CDH12: variants seen among roughly 807,000 people sequenced by gnomAD.
CDH12 encodes the protein cadherin-12.
A neutral mutation model predicts 74.1 loss-of-function variants in CDH12; 41 were observed. The observed-to-expected ratio is 0.55, with a 90% CI of 0.43 to 0.72. CDH12 has a LOEUF of 0.72. Ranked by LOEUF, CDH12 falls within the 30% of genes least tolerant of loss-of-function variation. The pLI, the probability that CDH12 is intolerant of heterozygous loss-of-function variation, is 0.00. For synonymous variants in CDH12, 399 were observed against 355.0 expected, an observed-to-expected ratio of 1.12 and a Z score of -1.39; for missense variants, 945 against 977.2, an observed-to-expected ratio of 0.97 and a Z score of 0.44.
chr5:22,341,153 C>T (rs1739830526), intron 3 of CDH12, among the ~76,000 whole-genome samples: 1 of 152,096 alleles, frequency 6.6e-6, no homozygotes, highest in South Asian at 2.1e-4. Flanking sequence ...ATCAGGAATC[C>T]TGGTGTCTCT....
rs547923757 is a variant in CDH12 at position 22,699,769 on chromosome 5, C to A, written c.-523+153289G>T. The stretch of plus-strand genomic sequence containing the variant: ...ATTCTCTTCCTATAAGTACATTGAA[C>A]TGAAAAGCCACATGACAATCAGAAG... On this transcript the variant is annotated intron_variant, in intron 1 of 14. Coordinates refer to ENST00000382254, the MANE Select transcript of CDH12 (RefSeq NM_004061.5). Among the ~76,000 whole-genome samples, 7 of 152,208 alleles carry A rather than the reference C, an allele frequency of 4.6e-5. No individual in the cohort carries two copies. In the East Asian group the frequency reaches 7.7e-4, roughly 17 times the overall value.
intron 5 of CDH12, among the ~76,000 whole-genome samples, chr5:22,019,941 C>T (rs1452992321): frequency 2.6e-5 from 4 of 152,090 alleles, no homozygotes; most frequent in Admixed American, 1.3e-4. Context: ...GTATTCTTGG[C>T]CAGTGGCTTT....
intron 1 of CDH12, among the ~76,000 whole-genome samples, chr5:22,552,204 C>A (rs1331477758): frequency 1.3e-5 from 2 of 151,996 alleles, no homozygotes; most frequent in African/African-American, 2.4e-5. Flanking sequence ...CCTTCTATAG[C>A]CTTTCATAAT....
chr5:22,356,214 T>C (rs546880495), intron 3 of CDH12, among the ~76,000 whole-genome samples: 3 of 152,274 alleles, frequency 2.0e-5, no homozygotes, highest in East Asian at 1.9e-4. Context: ...AGAATAGCAA[T>C]ATTTTCCAAA....
chr5:22,368,955 C>A (rs1275670199), intron 3 of CDH12, among the ~76,000 whole-genome samples: 1 of 151,844 alleles, frequency 6.6e-6, no homozygotes, highest in African/African-American at 2.4e-5. Flanking sequence ...ATGGTGAAAC[C>A]CCGTCTCTAC....
intron 6 of CDH12, chr5:21,889,756 T>G (rs1400960271): frequency 1.0e-6 from 1 of 984,762 alleles, no homozygotes; most frequent in Non-Finnish European, 1.2e-6. Flanking sequence ...TCTTTCTTTC[T>G]GCTGTAGGAA....
intron 1 of CDH12, among the ~76,000 whole-genome samples, chr5:22,822,020 G>A (rs1038659972): frequency 5.3e-5 from 8 of 152,174 alleles, no homozygotes; most frequent in African/African-American, 2.4e-5. Context: ...TGTGGTACTG[G>A]TACCAAAACA....
At chr5:22,744,412 G>C (rs1361314593) in intron 1 of CDH12, among the ~76,000 whole-genome samples, 2 of 149,878 alleles carry the variant, frequency 1.3e-5, no homozygotes, top group Non-Finnish European at 3.0e-5. Context: ...CTGGGCGACA[G>C]AGTGAGACTC....
chr5:21,873,211 A>G (rs1272266076), intron 6 of CDH12, among the ~76,000 whole-genome samples: 2 of 152,100 alleles, frequency 1.3e-5, no homozygotes, highest in African/African-American at 4.8e-5. Context: ...ATATATCACC[A>G]TCTCCATTAT....
intron 1 of CDH12, among the ~76,000 whole-genome samples, chr5:22,521,163 T>G (rs1040497195): frequency 1.3e-5 from 2 of 152,030 alleles, no homozygotes; most frequent in South Asian, 4.1e-4. Flanking sequence ...TCTTATCAGT[T>G]GGAATTCTAA....
At chr5:22,732,601 C>T (rs1744489204) in intron 1 of CDH12, among the ~76,000 whole-genome samples, 1 of 151,662 alleles carries the variant, frequency 6.6e-6, no homozygotes, top group Non-Finnish European at 1.5e-5. Flanking sequence ...AGGACTTAGT[C>T]CACTCCAATG....
At chr5:21,910,203 T>C (rs546971769) in intron 6 of CDH12, among the ~76,000 whole-genome samples, 1 of 152,278 alleles carries the variant, frequency 6.6e-6, no homozygotes, top group African/African-American at 2.4e-5. Flanking sequence ...AGAAATCTTC[T>C]GGCTACAAGT....
rs758953853 is a variant in CDH12, at chr5:21,755,714, G to A, written c.1762C>T (p.Arg588Ter). 3.7e-6 allele frequency: 6 copies of A among 1,613,932 alleles called. No individual in the cohort carries two copies. Among genetic ancestry groups the A allele is most frequent in the East Asian group, 2.2e-5 (1 of 44,862 alleles). ...VQSSTNTMTIRVCRCDSDGTI... is the reference protein window; with the variant it reads ...VQSSTNTMTI ...CCATCAGAGTCACATCTACAGACTC[G>A]AATAGTCATTGTGTTTGTGCTGCTC... The change falls in exon 14 of 15, where the codon CGA (arginine) becomes TGA (stop). Residue 588 changes from arginine to a stop codon, truncating the protein, a stop_gained. Coordinates refer to ENST00000382254, the MANE Select transcript of CDH12 (RefSeq NM_004061.5). LOFTEE classifies it high-confidence loss of function.
chr5:22,455,883 A>G (rs1333414755), intron 2 of CDH12, among the ~76,000 whole-genome samples: 1 of 152,152 alleles, frequency 6.6e-6, no homozygotes, highest in African/African-American at 2.4e-5. Flanking sequence ...ATGATAAGCA[A>G]TGTCCAATAA....
chr5:22,220,428 TA>T (rs1478551049), intron 3 of CDH12, among the ~76,000 whole-genome samples: 1 of 151,782 alleles, frequency 6.6e-6, no homozygotes, highest in East Asian at 1.9e-4. Context: ...ATTTTCACAT[TA>T]TTTTTATAAA....
chr5:22,742,884 A>C (rs1298682210), intron 1 of CDH12, among the ~76,000 whole-genome samples: 1 of 152,002 alleles, frequency 6.6e-6, no homozygotes, highest in East Asian at 1.9e-4. Context: ...GTCAAACATT[A>C]ATCCATGTAT....
chr5:22,813,203 G>T (rs921518647), intron 1 of CDH12, among the ~76,000 whole-genome samples: 10 of 152,104 alleles, frequency 6.6e-5, no homozygotes, highest in African/African-American at 2.4e-4. Flanking sequence ...TCTATGATCT[G>T]GGAGATCTGG....
intron 2 of CDH12, among the ~76,000 whole-genome samples, chr5:22,485,061 C>T (rs13178783): frequency 0.37 from 56,524 of 152,016 alleles, 10,921 homozygotes; most frequent in Non-Finnish European, 0.43. Context: ...TTTCTATGTA[C>T]TTCTACATTG....
chr5:22,771,381 T>A (rs1746797319), intron 1 of CDH12, among the ~76,000 whole-genome samples: 1 of 152,062 alleles, frequency 6.6e-6, no homozygotes, highest in South Asian at 2.1e-4. Flanking sequence ...AAGAAGGATA[T>A]AAAACCTGAA....
Sources: allele counts gnomAD v4.1 joint callset (sites outside exome capture counted in the v4.1 genomes callset), GRCh38; gene constraint gnomAD v4.1.1; transcripts MANE v1.5; gene names NCBI Gene and HGNC (gene_info 2026-07-23, HGNC 2026-07-21).